LY96: variants seen among roughly 807,000 people sequenced by gnomAD.
LY96 encodes the protein lymphocyte antigen 96, also known as myeloid differentiation protein-2.
Under a neutral mutation model 18.9 loss-of-function variants are expected in LY96, and 18 were observed. The ratio of observed to expected loss-of-function variants is 0.95; its 90% confidence interval spans 0.66 to 1.41. The LOEUF (loss-of-function observed/expected upper bound fraction) is 1.41. LY96 is among the 40% of genes most tolerant of loss of function. The probability of loss-of-function intolerance (pLI) is 0.00; values close to 1 mark genes in which losing one functional copy is unlikely to be tolerated. For synonymous variants in LY96, 66 were observed against 62.6 expected (o/e 1.06, Z -0.26); for missense variants, 175 against 182.4 (o/e 0.96, Z 0.23).
chr8:74,089,499 A>G, the LY96 span, among the ~76,000 whole-genome samples: 4 of 152,284 alleles, frequency 2.6e-5, no homozygotes, highest in East Asian at 5.8e-4. Context: ...AAACTTTCCC[A>G]TATCTGACTC....
At chr8:74,044,223 C>T in the LY96 span, among the ~76,000 whole-genome samples, 1 of 151,196 alleles carries the variant, frequency 6.6e-6, no homozygotes, top group Non-Finnish European at 1.5e-5. Context: ...TCACTGTTGC[C>T]CAGTCTGGAG....
chr8:74,027,685 G>A lies in LY96; in HGVS notation c.384+844G>A, dbSNP rs1052262586. On this transcript the variant is annotated intron_variant, in intron 4 of 4. Coordinates refer to ENST00000284818, the MANE Select transcript of LY96 (RefSeq NM_015364.5). ...ACAGGGAGAAGGTCTGGAAATTATC[G>A]CCAGACCAACTCAAAATTACAAAGT... 7.2e-5 allele frequency among the ~76,000 whole-genome samples: 11 copies of A among 152,098 alleles called. No homozygotes were observed. The East Asian group carries it at 1.2e-3, about 16-fold the overall frequency.
downstream of LY96, among the ~76,000 whole-genome samples, chr8:74,030,116 G>A (rs1816945488): frequency 6.6e-6 from 1 of 152,182 alleles, no homozygotes; most frequent in Non-Finnish European, 1.5e-5. Context: ...TGGGAGCATG[G>A]CAACTTGAGT....
chr8:73,996,372 C>CCTTCCTTCCTTTCTTT (rs1816135382), intron 1 of LY96, among the ~76,000 whole-genome samples: 38 of 110,986 alleles, frequency 3.4e-4, no homozygotes, highest in East Asian at 9.5e-4. Context: ...TTCCTTCATT[C>CCTTCCTTCCTTTCTTT]CTTTCTTTCT....
At chr8:74,004,773 G>T in intron 1 of LY96, 23 bp from the exon 2 acceptor site, 3 of 1,528,680 alleles carry the variant, frequency 2.0e-6, no homozygotes, top group Non-Finnish European at 2.7e-6. Flanking sequence ...GTAATTTATT[G>T]ACATTATCTT....
the LY96 span, among the ~76,000 whole-genome samples, chr8:74,043,235 A>G: frequency 1.3e-5 from 2 of 152,004 alleles, no homozygotes; most frequent in Admixed American, 6.6e-5. Flanking sequence ...GCAATACAGG[A>G]ACAGGGGTAG....
chr8:74,089,858 G>A, the LY96 span, among the ~76,000 whole-genome samples: 5 of 152,098 alleles, frequency 3.3e-5, no homozygotes, highest in African/African-American at 9.7e-5. Context: ...AAGACCTTGA[G>A]GGAGTGTGTC....
chr8:74,085,671 T>C, the LY96 span, among the ~76,000 whole-genome samples: 1 of 152,218 alleles, frequency 6.6e-6, no homozygotes, highest in Non-Finnish European at 1.5e-5. Flanking sequence ...CCAAGACTCC[T>C]TTCTATTTCA....
chr8:73,996,356 C>CA (rs1491361310), intron 1 of LY96, among the ~76,000 whole-genome samples: 9 of 126,706 alleles, frequency 7.1e-5, no homozygotes, highest in South Asian at 5.2e-4. Flanking sequence ...TTCCTTCCTT[C>CA]CTTCCTTCCT....
chr8:74,019,130 A>C (rs1203180834), intron 3 of LY96, among the ~76,000 whole-genome samples: 2 of 152,222 alleles, frequency 1.3e-5, no homozygotes, highest in African/African-American at 4.8e-5. Flanking sequence ...CAATGAATCC[A>C]GGAGCTGATT....
the LY96 span, among the ~76,000 whole-genome samples, chr8:74,072,926 C>T: frequency 6.6e-6 from 1 of 152,106 alleles, no homozygotes; most frequent in Non-Finnish European, 1.5e-5. Context: ...TATATATACA[C>T]ATATAAGGAT....
downstream of LY96, among the ~76,000 whole-genome samples, chr8:74,030,162 T>C (rs1337896220): frequency 6.6e-6 from 1 of 152,134 alleles, no homozygotes; most frequent in Non-Finnish European, 1.5e-5. Flanking sequence ...TAGCAGCAGT[T>C]ACAAGAGGGT....
intron 3 of LY96, among the ~76,000 whole-genome samples, chr8:74,011,950 T>C (rs1019987464): frequency 6.9e-6 from 1 of 145,326 alleles, no homozygotes; most frequent in Non-Finnish European, 1.5e-5. Context: ...AATAGGTATA[T>C]TACTAATCAT....
At chr8:74,034,197 C>G in the LY96 span, among the ~76,000 whole-genome samples, 69 of 152,224 alleles carry the variant, frequency 4.5e-4, 1 homozygote, top group East Asian at 0.012. Context: ...ATGGAGAAAC[C>G]TCATCTCTAC....
At chr8:74,003,135 A>T (rs749552131) in intron 1 of LY96, among the ~76,000 whole-genome samples, 7 of 152,182 alleles carry the variant, frequency 4.6e-5, no homozygotes, top group Non-Finnish European at 5.9e-5. Context: ...TACAAAGCAG[A>T]CATCTTTTTC....
the LY96 span, among the ~76,000 whole-genome samples, chr8:74,062,021 A>T: frequency 6.6e-6 from 1 of 152,224 alleles, no homozygotes. Context: ...GAGCATGCCC[A>T]TGTAACCACT....
At chr8:74,081,048 T>TTCTTTCTTTTTC in the LY96 span, among the ~76,000 whole-genome samples, 1 of 96,998 alleles carries the variant, frequency 1.0e-5, no homozygotes, top group Non-Finnish European at 1.9e-5. Context: ...CTTTCTTTCT[T>TTCTTTCTTTTTC]TTTCTTTCTT....
the LY96 span, among the ~76,000 whole-genome samples, chr8:74,092,080 C>G: frequency 3.3e-5 from 5 of 152,106 alleles, no homozygotes; most frequent in Non-Finnish European, 5.9e-5. Context: ...CCTAAAAGCT[C>G]CCTATAGTCT....
chr8:73,998,910 A>G (rs1002554429), intron 1 of LY96, among the ~76,000 whole-genome samples: 1 of 150,974 alleles, frequency 6.6e-6, no homozygotes, highest in African/African-American at 2.4e-5. Context: ...AGTTTATTGT[A>G]TTCCTCCTGG....
Sources: gnomAD v4.1 joint callset for allele counts (sites outside exome capture counted in the v4.1 genomes callset) on GRCh38, gnomAD v4.1.1 for gene constraint, MANE v1.5 for transcripts, NCBI Gene and HGNC (gene_info 2026-07-23, HGNC 2026-07-21) for gene names.